KCNAB1: variants seen among roughly 807,000 people sequenced by gnomAD.
KCNAB1 encodes the protein potassium voltage-gated channel subfamily A regulatory beta subunit 1.
Under a neutral mutation model 64.6 loss-of-function variants are expected in KCNAB1, and 35 were observed. That is an observed-to-expected ratio of 0.54 (90% CI 0.41 to 0.72). The LOEUF (loss-of-function observed/expected upper bound fraction) is 0.72, where lower values mean the gene tolerates loss of function less well. KCNAB1 is among the 30% of genes least tolerant of loss of function. The pLI, the probability that KCNAB1 is intolerant of heterozygous loss-of-function variation, is 0.00. For missense variants in KCNAB1, 401 were observed against 512.9 expected, an observed-to-expected ratio of 0.78 and a Z score of 2.11; for synonymous variants, 177 against 183.8, an observed-to-expected ratio of 0.96 and a Z score of 0.30.
At chr3:156,422,171 A>G (rs887322196) in intron 2 of KCNAB1, among the ~76,000 whole-genome samples, 1 of 152,258 alleles carries the variant, frequency 6.6e-6, no homozygotes, top group Non-Finnish European at 1.5e-5. Context: ...AATAAAAAGT[A>G]TTATTCCTCC....
At chr3:156,332,362 A>G (rs564086587) in intron 1 of KCNAB1, among the ~76,000 whole-genome samples, 1 of 152,272 alleles carries the variant, frequency 6.6e-6, no homozygotes, top group South Asian at 2.1e-4. Context: ...TTAGTCATCC[A>G]ATTTCTTTTC....
chr3:156,149,112 T>C (rs1715234535), intron 1 of KCNAB1, among the ~76,000 whole-genome samples: 2 of 152,134 alleles, frequency 1.3e-5, no homozygotes. Flanking sequence ...TTGCAGTGTC[T>C]CTCCCATTAG....
intron 8 of KCNAB1, among the ~76,000 whole-genome samples, chr3:156,502,220 G>A (rs1030913470): frequency 2.6e-5 from 4 of 152,194 alleles, no homozygotes; most frequent in Non-Finnish European, 5.9e-5. Flanking sequence ...GCCAAGAAGA[G>A]CCAAATGACT....
chr3:156,485,713 A>C (rs1715156762), intron 8 of KCNAB1, among the ~76,000 whole-genome samples: 1 of 151,970 alleles, frequency 6.6e-6, no homozygotes, highest in Non-Finnish European at 1.5e-5. Flanking sequence ...CATTGTACCC[A>C]ATAGGGAGTT....
At chr3:156,215,048 A>G (rs573912576) in intron 1 of KCNAB1, among the ~76,000 whole-genome samples, 1 of 152,350 alleles carries the variant, frequency 6.6e-6, no homozygotes, top group East Asian at 1.9e-4. Context: ...AAGAGTAACT[A>G]AATTGTAATT....
chr3:156,523,194 T>C (rs1051075166), intron 11 of KCNAB1, among the ~76,000 whole-genome samples: 13 of 152,214 alleles, frequency 8.5e-5, no homozygotes. Flanking sequence ...ATACAATAGG[T>C]AATAACATTT....
At chr3:156,466,215 A>T (rs1255549670) in intron 7 of KCNAB1, among the ~76,000 whole-genome samples, 1 of 152,090 alleles carries the variant, frequency 6.6e-6, no homozygotes, top group Admixed American at 6.6e-5. Flanking sequence ...TGGACATTTC[A>T]TGTAAATGAG....
At chr3:156,243,228 A>T (rs578108579) in intron 1 of KCNAB1, among the ~76,000 whole-genome samples, 12 of 142,486 alleles carry the variant, frequency 8.4e-5, no homozygotes, top group East Asian at 4.3e-4. Flanking sequence ...TTATTTTTTT[A>T]AATTTTTTAT....
At chr3:156,533,392 T>G (rs1293623117) in intron 13 of KCNAB1, among the ~76,000 whole-genome samples, 1 of 152,108 alleles carries the variant, frequency 6.6e-6, no homozygotes, top group Non-Finnish European at 1.5e-5. Flanking sequence ...GGAAAGGCCC[T>G]GAGATGGGAA....
In KCNAB1 at chr3:156,431,103, G is replaced by T. The variant is rs532137693; in HGVS notation, c.319+9444G>T. On this transcript the variant is annotated intron_variant, in intron 2 of 13. Transcript: ENST00000490337. ...GATGCAATTGAGTGCAGGCATTTTG[G>T]TTTTTGTGTGGATACCATCAATGAA... Among the ~76,000 whole-genome samples the T allele has an allele frequency of 2.0e-5, 3 of 152,176 alleles. No homozygotes were observed. In the South Asian group the frequency reaches 6.2e-4, roughly 32 times the overall value.
At chr3:156,272,254 T>C (rs1719080084) in intron 1 of KCNAB1, among the ~76,000 whole-genome samples, 1 of 152,238 alleles carries the variant, frequency 6.6e-6, no homozygotes, top group Non-Finnish European at 1.5e-5. Context: ...AATCAATTGG[T>C]GGCAAAGCCA....
intron 1 of KCNAB1, among the ~76,000 whole-genome samples, chr3:156,399,401 C>T (rs1271505093): frequency 6.6e-6 from 1 of 152,112 alleles, no homozygotes; most frequent in Admixed American, 6.5e-5. Flanking sequence ...TTGTGGGTTT[C>T]CAGTGAGCCC....
At chr3:156,282,302 C>G (rs1719774127) in intron 1 of KCNAB1, among the ~76,000 whole-genome samples, 1 of 149,290 alleles carries the variant, frequency 6.7e-6, no homozygotes, top group Non-Finnish European at 1.5e-5. Context: ...ATCCTGAGTT[C>G]TAGTTTGATT....
rs17236137 is a variant in KCNAB1, at chr3:156,312,217, G to C, written c.276-109399G>C. 4.8e-4 allele frequency among the ~76,000 whole-genome samples: 73 copies of C among 152,284 alleles called. 1 individual carries two copies. Among genetic ancestry groups the C allele is most frequent in the African/African-American group, 1.5e-3 (62 of 41,552 alleles). ...CTGAGTAAAATAGGCGACAGGTATT[G>C]TGACTATATTAACATAGACCATCAC... On this transcript the variant is annotated intron_variant, in intron 1 of 13. Coordinates refer to ENST00000490337, the MANE Select transcript of KCNAB1 (RefSeq NM_172160.3).
intron 1 of KCNAB1, among the ~76,000 whole-genome samples, chr3:156,270,369 CT>C (rs1388672926): frequency 6.6e-6 from 1 of 150,930 alleles, no homozygotes; most frequent in Non-Finnish European, 1.5e-5. Flanking sequence ...TCCTTCTTTT[CT>C]TTTTTTCTGT....
intron 1 of KCNAB1, among the ~76,000 whole-genome samples, chr3:156,249,442 C>T (rs991597990): frequency 6.6e-6 from 1 of 151,790 alleles, no homozygotes; most frequent in East Asian, 1.9e-4. Context: ...CATGATGGTG[C>T]GTGCCTGTAA....
chr3:156,143,637 G>C (rs1438170335), intron 1 of KCNAB1, among the ~76,000 whole-genome samples: 2 of 138,322 alleles, frequency 1.4e-5, no homozygotes, highest in African/African-American at 5.5e-5. Flanking sequence ...TTACAGAAAA[G>C]ACAGTCAAGT....
intron 1 of KCNAB1, among the ~76,000 whole-genome samples, chr3:156,184,866 C>T (rs1713089584): frequency 6.6e-6 from 1 of 152,188 alleles, no homozygotes; most frequent in South Asian, 2.1e-4. Context: ...CCTCCCATCC[C>T]TGGGCTCCTG....
intron 1 of KCNAB1, among the ~76,000 whole-genome samples, chr3:156,281,814 C>G (rs1225076206): frequency 7.4e-5 from 11 of 149,226 alleles, no homozygotes; most frequent in Admixed American, 1.3e-4. Context: ...TGGTGATATC[C>G]CCTTTATCAT....
Sources: gnomAD v4.1 joint callset for allele counts (sites outside exome capture counted in the v4.1 genomes callset) on GRCh38, gnomAD v4.1.1 for gene constraint, MANE v1.5 for transcripts, NCBI Gene and HGNC (gene_info 2026-07-23, HGNC 2026-07-21) for gene names.